ZFP42: variants seen among roughly 807,000 people sequenced by gnomAD.
ZFP42 encodes the protein zinc finger protein 42 homolog.
For missense variants in ZFP42, 438 were observed against 377.1 expected (o/e 1.16, Z -1.34); for synonymous variants, 175 against 144.6 (o/e 1.21, Z -1.51).
At position 188,001,998 on chromosome 4, in the gene ZFP42, G is replaced by A. The variant is rs182724144; in HGVS notation, c.-95-715G>A. Among the ~76,000 whole-genome samples, 238 of 152,204 alleles carry A rather than the reference G, an allele frequency of 1.6e-3. 2 individuals carry two copies. Among genetic ancestry groups the A allele is most frequent in the South Asian group, 6.8e-3 (33 of 4,818 alleles). ...TCCAGACCAGCCTGACCAACATGGT[G>A]AAACCCCATTTCTACTAAAACTAGA... is the stretch of plus-strand genomic sequence containing the variant. On this transcript the variant is annotated intron_variant, in intron 3 of 3. Coordinates refer to ENST00000326866, the MANE Select transcript of ZFP42 (RefSeq NM_174900.5).
intron 1 of ZFP42, among the ~76,000 whole-genome samples, chr4:187,996,355 G>T (rs7693295): frequency 0.033 from 5,023 of 152,046 alleles, 287 homozygotes; most frequent in African/African-American, 0.11. Context: ...TCTGTTGCCA[G>T]GCTGGAGTGC....
At position 188,002,730 on chromosome 4, in the gene ZFP42, C is replaced by T. The variant is rs147132497; in HGVS notation, c.-78C>T. 2 of 1,234,030 alleles carry T rather than the reference C, an allele frequency of 1.6e-6. No homozygotes were observed. The highest frequency in any genetic ancestry group is 1.5e-5 in the African/African-American group (1 of 66,248). 76.4% of individuals were successfully genotyped at this position (1,234,030 alleles called of 1,614,324 possible). A position where few individuals can be genotyped will look rare whatever the true frequency, so the allele number is the denominator to read the frequency against. On this transcript the variant is annotated 5_prime_UTR_variant, in exon 4 of 4. Coordinates refer to ENST00000326866, the MANE Select transcript of ZFP42 (RefSeq NM_174900.5). Reference sequence around the variant, plus strand: ...TAAAGCAGGTGTTTGCTGAAGACAGCTTACTCAGATCACTACTGCCTGGAG... The same window carrying T: ...TAAAGCAGGTGTTTGCTGAAGACAGTTTACTCAGATCACTACTGCCTGGAG...
In ZFP42 at chr4:188,003,627, C is replaced by T. The variant is rs765490450; in HGVS notation, c.820C>T (p.Arg274Cys). 3 of 1,613,358 alleles carry T rather than the reference C, an allele frequency of 1.9e-6. No homozygotes were observed. The highest frequency in any genetic ancestry group is 1.1e-5 in the South Asian group (1 of 91,084). ...CGTGCGCATCCACACGGGGGAGAAA[C>T]GTTTCGTGTGTCCCTTTCAAGGCTG... ...THVRIHTGEKRFVCPFQGCNR... is the reference protein window; with the variant it reads ...THVRIHTGEKCFVCPFQGCNR... The change falls in exon 4 of 4, where the codon CGT becomes TGT. Residue 274 changes from arginine to cysteine, a missense_variant. Coordinates refer to ENST00000326866, the MANE Select transcript of ZFP42 (RefSeq NM_174900.5).
At chr4:188,000,707 C>T (rs1054474944) in intron 3 of ZFP42, among the ~76,000 whole-genome samples, 5 of 152,244 alleles carry the variant, frequency 3.3e-5, no homozygotes, top group Non-Finnish European at 4.4e-5. Context: ...ACAGGCCTGG[C>T]GCAGTGGCTC....
chr4:188,004,773 AAG>A lies in ZFP42; in HGVS notation c.*1036_*1037del, dbSNP rs1211825724. ...ACTGTACTCCAGACTGGATAACAGC[AAG>A]AGCCCATCTTTTAAAAAAAGTAAAA... On this transcript the variant is annotated 3_prime_UTR_variant, in exon 4 of 4. Transcript: ENST00000326866. The A allele has an allele frequency of 1.4e-4, 24 of 167,108 alleles. No individual in the cohort carries two copies. Among genetic ancestry groups the A allele is most frequent in the African/African-American group, 5.5e-4 (23 of 41,458 alleles). The allele number at this position is 167,108 out of a possible 1,614,324, so 10.4% of individuals were successfully genotyped here. A position where few individuals can be genotyped will look rare whatever the true frequency, so the allele number is the denominator to read the frequency against.
chr4:187,997,941 A>T (rs1038397475), intron 1 of ZFP42, among the ~76,000 whole-genome samples: 1 of 152,222 alleles, frequency 6.6e-6, no homozygotes, highest in Non-Finnish European at 1.5e-5. Flanking sequence ...CAGAATAAGA[A>T]TATAAAGAAA....
In ZFP42 at chr4:187,995,793, T is replaced by C. The variant is rs1194249954; in HGVS notation, c.-386T>C. 2 of 152,318 alleles carry C rather than the reference T, an allele frequency of 1.3e-5. No homozygotes were observed. Among genetic ancestry groups the C allele is most frequent in the East Asian group, 3.9e-4 (2 of 5,178 alleles). 9.4% of individuals were successfully genotyped at this position (152,318 alleles called of 1,614,324 possible). ...TGCAGTTTCTCCTTTGTTTTACGTT[T>C]GGGAGGAGGTGGCATTGGAAATAGC... is the stretch of plus-strand genomic sequence containing the variant. On this transcript the variant is annotated 5_prime_UTR_variant, in exon 1 of 4. Transcript: ENST00000326866.
At position 188,003,209 on chromosome 4, in the gene ZFP42, GAT is replaced by G; in HGVS notation, c.404_405del (p.Ile135SerfsTer7). The G allele has an allele frequency of 6.2e-7, 1 of 1,613,906 alleles. No homozygotes were observed. The highest frequency in any genetic ancestry group is 2.2e-5 in the East Asian group (1 of 44,884). The stretch of plus-strand genomic sequence containing the variant: ...GGGTAAAGAAAGAGCTTCCACAAAA[GAT>G]AGTTGGAGAGAATTCGCTTGAGTAT... ...KGVKKELPQK[I>X]VGENSLEYSE... On this transcript the variant is annotated frameshift_variant, in exon 4 of 4. Transcript: ENST00000326866. LOFTEE classifies it low-confidence loss of function (END_TRUNC).
chr4:187,996,887 C>T (rs1733593640), intron 1 of ZFP42, among the ~76,000 whole-genome samples: 1 of 152,182 alleles, frequency 6.6e-6, no homozygotes, highest in Non-Finnish European at 1.5e-5. Context: ...TAATGGTTTC[C>T]TTGGGACCTG....
Position 188,002,798 on chromosome 4 carries a change from G to C in ZFP42, c.-10G>C. 1 of 1,612,832 alleles carries C rather than the reference G, an allele frequency of 6.2e-7. No homozygotes were observed. Among genetic ancestry groups the C allele is most frequent in the Non-Finnish European group, 8.5e-7 (1 of 1,179,296 alleles). On this transcript the variant is annotated 5_prime_UTR_variant, in exon 4 of 4. Transcript: ENST00000326866. ...GTGTAAACCTTCAAGAAGGGCACAG[G>C]CAGGAAAACATGAGCCAGCAACTGA...
chr4:188,003,795 T>A lies in ZFP42; in HGVS notation c.*55T>A. The A allele has an allele frequency of 6.7e-7, 1 of 1,492,822 alleles. No individual in the cohort carries two copies. The allele number at this position is 1,492,822 out of a possible 1,614,324, so 92.5% of individuals were successfully genotyped here. On this transcript the variant is annotated 3_prime_UTR_variant, in exon 4 of 4. Coordinates refer to ENST00000326866, the MANE Select transcript of ZFP42 (RefSeq NM_174900.5). ...AAGAGTGATCAGTGACAAACATGCC[T>A]CATTGATTATTGTTTCTAGGAAGGA... is the stretch of plus-strand genomic sequence containing the variant.
In ZFP42 at chr4:188,002,902, C is replaced by G. The variant is rs200488321; in HGVS notation, c.95C>G (p.Ser32Ter). The G allele has an allele frequency of 3.2e-5, 51 of 1,614,188 alleles. No homozygotes were observed. The highest frequency in any genetic ancestry group is 2.0e-4 in the Admixed American group (12 of 60,030). Residue 32 changes from serine (S) to a stop codon, truncating the protein, a stop_gained, in exon 4 of 4, where the codon TCA becomes TGA. Coordinates refer to ENST00000326866, the MANE Select transcript of ZFP42 (RefSeq NM_174900.5). LOFTEE classifies it low-confidence loss of function (END_TRUNC). Reference sequence around the variant, plus strand: ...GGGGCTAAGCCCAGGCAAGGCAAGTCAAGCCAAGACCTGCAGGCGGAAATA... The same window carrying G: ...GGGGCTAAGCCCAGGCAAGGCAAGTGAAGCCAAGACCTGCAGGCGGAAATA... ...PSGAKPRQGK[S>*]SQDLQAEIEP...
intron 3 of ZFP42, among the ~76,000 whole-genome samples, chr4:187,999,960 A>T (rs923356324): frequency 6.6e-6 from 1 of 152,224 alleles, no homozygotes; most frequent in African/African-American, 2.4e-5. Context: ...AGTGAAATAC[A>T]AGAGCTATAG....
Position 188,003,046 on chromosome 4 carries a change from A to G in ZFP42, c.239A>G (p.Glu80Gly). 1 of 1,614,150 alleles carries G rather than the reference A, an allele frequency of 6.2e-7. No individual in the cohort carries two copies. Among genetic ancestry groups the G allele is most frequent in the Non-Finnish European group, 8.5e-7 (1 of 1,180,006 alleles). Residue 80 changes from glutamate (E) to glycine (G), a missense_variant, in exon 4 of 4, where the codon GAG becomes GGG. By Grantham distance (98) the Glu-to-Gly change is moderately conservative (BLOSUM62 -2). Transcript: ENST00000326866. Reference sequence around the variant, plus strand: ...TACATAGAATGCGTCATAAGGGGTGAGTTTTCTCAACCCATCCTGGAAGAG... The same window carrying G: ...TACATAGAATGCGTCATAAGGGGTGGGTTTTCTCAACCCATCCTGGAAGAG... The part of the protein sequence containing the change: ...DCYIECVIRG[E>G]FSQPILEEDS...
rs1733954151 is a variant in ZFP42, at chr4:188,003,911, G to A, written c.*171G>A. ...CTTTGTGATACCGTTTTAAGGACATGGTGCATTTTTTTTTCTTTTATTTGT... is the reference window on the plus strand; with the variant it reads ...CTTTGTGATACCGTTTTAAGGACATAGTGCATTTTTTTTTCTTTTATTTGT... On this transcript the variant is annotated 3_prime_UTR_variant, in exon 4 of 4. Coordinates refer to ENST00000326866, the MANE Select transcript of ZFP42 (RefSeq NM_174900.5). 1 of 586,706 alleles carries A rather than the reference G, an allele frequency of 1.7e-6. No individual in the cohort carries two copies. 36.3% of individuals were successfully genotyped at this position (586,706 alleles called of 1,614,324 possible). A position where few individuals can be genotyped will look rare whatever the true frequency, so the allele number is the denominator to read the frequency against.
intron 1 of ZFP42, among the ~76,000 whole-genome samples, chr4:187,998,207 A>G (rs1015097038): frequency 6.6e-6 from 1 of 152,088 alleles, no homozygotes; most frequent in Admixed American, 6.6e-5. Flanking sequence ...GTGGTGACAC[A>G]TGCCTGTAAT....
At position 188,003,091 on chromosome 4, in the gene ZFP42, T is replaced by C; in HGVS notation, c.284T>C (p.Leu95Ser). 1 of 1,614,114 alleles carries C rather than the reference T, an allele frequency of 6.2e-7. No homozygotes were observed. The highest frequency in any genetic ancestry group is 8.5e-7 in the Non-Finnish European group (1 of 1,180,022). Residue 95 changes from leucine to serine, a missense_variant, in exon 4 of 4, where the codon TTG becomes TCG. By Grantham distance (145) the Leu-to-Ser change is moderately radical. Transcript: ENST00000326866. Reference protein sequence around the residue: ...ILEEDSLFESLEYLKKGSEQQ... With the variant: ...ILEEDSLFESSEYLKKGSEQQ... ...GAAGAGGACTCACTTTTTGAGTCCT[T>C]GGAATACCTAAAGAAAGGATCAGAA...
At position 188,003,746 on chromosome 4, in the gene ZFP42, C is replaced by T; in HGVS notation, c.*6C>T. 6.2e-7 allele frequency: 1 copy of T among 1,602,060 alleles called. No homozygotes were observed. Among genetic ancestry groups the T allele is most frequent in the South Asian group, 1.1e-5 (1 of 90,144 alleles). ...ATGAACAAGAGGGAAAGTAGTCCTC[C>T]AACAGGATGAAGCAGATTAACAGAA... On this transcript the variant is annotated 3_prime_UTR_variant, in exon 4 of 4. Coordinates refer to ENST00000326866, the MANE Select transcript of ZFP42 (RefSeq NM_174900.5).
At chr4:188,001,778 T>C (rs1733831794) in intron 3 of ZFP42, among the ~76,000 whole-genome samples, 1 of 152,174 alleles carries the variant, frequency 6.6e-6, no homozygotes, top group Non-Finnish European at 1.5e-5. Flanking sequence ...AAAAAGGTAA[T>C]AAAATAACAC....
Sources: allele counts gnomAD v4.1 joint callset (sites outside exome capture counted in the v4.1 genomes callset), GRCh38; gene constraint gnomAD v4.1.1; transcripts MANE v1.5; gene names NCBI Gene and HGNC (gene_info 2026-07-23, HGNC 2026-07-21).